Variants in NOMO1 observed in about 807,000 individuals in gnomAD.
NOMO1 encodes nodal modulator 3.
A neutral mutation model predicts 133.8 loss-of-function variants in NOMO1; 40 were observed. The ratio of observed to expected loss-of-function variants is 0.30; its 90% CI spans 0.23 to 0.39. The LOEUF (loss-of-function observed/expected upper bound fraction) is 0.39. Ranked by LOEUF, NOMO1 falls within the 10% of genes least tolerant of loss-of-function variation. The pLI, the probability that NOMO1 is intolerant of heterozygous loss-of-function variation, is 1.00. For synonymous variants in NOMO1, 236 were observed against 570.5 expected, an observed-to-expected ratio of 0.41 and a Z score of 8.36; for missense variants, 462 against 1,419.9, an observed-to-expected ratio of 0.33 and a Z score of 10.84.
At chr16:14,874,917 C>T in intron 18 of NOMO1, 119 bp from the exon 19 acceptor site, 1 of 783,902 alleles carries the variant, frequency 1.3e-6, no homozygotes, top group Admixed American at 2.7e-5. Flanking sequence ...GACTCCGCCA[C>T]TGTGGTGTCA....
At chr16:14,889,406 C>T (rs1964374866) in intron 29 of NOMO1, among the ~76,000 whole-genome samples, 191 bp downstream of exon 29, 1 of 152,034 alleles carries the variant, frequency 6.6e-6, no homozygotes, top group South Asian at 2.1e-4. Flanking sequence ...GTGGAACGCA[C>T]CTATAGTCCC....
intron 16 of NOMO1, among the ~76,000 whole-genome samples, chr16:14,868,965 G>A (rs1050863696): frequency 2.0e-5 from 3 of 149,094 alleles, no homozygotes; most frequent in Admixed American, 2.0e-4. Flanking sequence ...TTGAGATGGA[G>A]TCTTGCTCTG....
chr16:14,885,402 C>T (rs927500031), intron 27 of NOMO1, among the ~76,000 whole-genome samples: 1 of 151,980 alleles, frequency 6.6e-6, no homozygotes, highest in Non-Finnish European at 1.5e-5. Flanking sequence ...CTCTTATAAT[C>T]TTGTTCAGCT....
chr16:14,874,532 G>A (rs916144404), intron 18 of NOMO1, among the ~76,000 whole-genome samples: 6 of 151,996 alleles, frequency 3.9e-5, no homozygotes, highest in African/African-American at 1.5e-4. Context: ...ACAGTGCTCC[G>A]GGCTCTCCGT....
chr16:14,879,097 A>G (rs558650610), intron 23 of NOMO1, among the ~76,000 whole-genome samples: 6 of 151,984 alleles, frequency 3.9e-5, no homozygotes, highest in Non-Finnish European at 5.9e-5. Context: ...CCCTGGCCAC[A>G]ACGGCTGCTC....
chr16:14,860,878 AG>A (rs529501678), intron 11 of NOMO1, among the ~76,000 whole-genome samples: 139 of 151,380 alleles, frequency 9.2e-4, no homozygotes, highest in African/African-American at 3.3e-3. Flanking sequence ...TTTTTGAGAC[AG>A]GGTCTTACTC....
In NOMO1 at chr16:14,882,705, C is replaced by G. The variant is rs1172059263; in HGVS notation, c.3111+28C>G. ...AAGGCATTCAGTGCTGCCGCTGCACCTGGGTGTGGGTGCCTCCCTGATCAG... is the reference window on the plus strand; with the variant it reads ...AAGGCATTCAGTGCTGCCGCTGCACGTGGGTGTGGGTGCCTCCCTGATCAG... On this transcript the variant is annotated intron_variant, in intron 26 of 30. Transcript: ENST00000287667. The G allele has an allele frequency of 5.0e-6, 8 of 1,611,482 alleles. No individual in the cohort carries two copies. In the East Asian group the frequency reaches 1.8e-4, roughly 36 times the overall value.
At chr16:14,839,146 C>G (rs967934590) in intron 2 of NOMO1, among the ~76,000 whole-genome samples, 15 of 151,856 alleles carry the variant, frequency 9.9e-5, no homozygotes, top group Non-Finnish European at 1.0e-4. Context: ...CCTCCACCCC[C>G]CAGGTTCAAG....
chr16:14,849,896 CTTTTTTTTT>C (rs1171906105), intron 6 of NOMO1, among the ~76,000 whole-genome samples: 2 of 87,932 alleles, frequency 2.3e-5, no homozygotes, highest in African/African-American at 9.3e-5. Flanking sequence ...CAGATACAGT[CTTTTTTTTT>C]TTTTTTTTTT....
Position 14,852,635 on chromosome 16 carries a change from AT to A in NOMO1, c.735+55del, listed in dbSNP as rs1293505698. The A allele has an allele frequency of 1.6e-4, 102 of 657,600 alleles. 1 individual carries two copies. The Admixed American group carries it at 2.8e-3, about 18-fold the overall frequency. The allele number at this position is 657,600 out of a possible 1,614,324, so 40.7% of individuals were successfully genotyped here. ...GGTGTGAAGGGTAGGAGGGTGGGGG[AT>A]TATAGACCAGAACGTACTGTTTTAA... On this transcript the variant is annotated intron_variant, in intron 7 of 30. Coordinates refer to ENST00000287667, the MANE Select transcript of NOMO1 (RefSeq NM_014287.4).
chr16:14,846,460 G>A (rs1963683339), intron 4 of NOMO1, 117 bp from the exon 5 acceptor site: 1 of 537,468 alleles, frequency 1.9e-6, no homozygotes. Flanking sequence ...CTTTTCAATG[G>A]GATTCTTGAC....
chr16:14,857,659 A>G lies in NOMO1; in HGVS notation c.1220+4A>G, dbSNP rs1249935882. 2 of 1,613,746 alleles carry G rather than the reference A, an allele frequency of 1.2e-6. No individual in the cohort carries two copies. Among genetic ancestry groups the G allele is most frequent in the Middle Eastern group, 1.7e-4 (1 of 6,054 alleles). On this transcript the variant is annotated splice_donor_region_variant and intron_variant, in intron 11 of 30. Transcript: ENST00000287667. ...TGGCTGACATTATTGCAACAGGGTA[A>G]GCTTATCGTGTGGATTTGGAAGCGC...
intron 20 of NOMO1, 61 bp from the exon 21 acceptor site, chr16:14,876,289 AACCCCCAAC>A: frequency 6.2e-7 from 1 of 1,603,544 alleles, no homozygotes; most frequent in Non-Finnish European, 8.5e-7. Context: ...TGTCATGGGA[AACCCCCAAC>A]CAAGAAGCTC....
chr16:14,866,414 T>C (rs1363188413), intron 14 of NOMO1, 141 bp from the exon 15 acceptor site: 5 of 1,420,932 alleles, frequency 3.5e-6, no homozygotes, highest in Non-Finnish European at 4.8e-6. Context: ...TAAATATATG[T>C]ATGTGTATAT....
chr16:14,879,024 C>T (rs1204946754), intron 23 of NOMO1, among the ~76,000 whole-genome samples, 190 bp downstream of exon 23: 1 of 151,902 alleles, frequency 6.6e-6, no homozygotes, highest in Non-Finnish European at 1.5e-5. Context: ...ATTCATGTTC[C>T]CTTCCACACG....
intron 27 of NOMO1, 79 bp from the exon 28 acceptor site, chr16:14,886,682 G>T: frequency 6.2e-7 from 1 of 1,609,464 alleles, no homozygotes; most frequent in Non-Finnish European, 8.5e-7. Context: ...CCAGAAAGCG[G>T]CTGTCCTGAG....
chr16:14,853,565 G>T lies in NOMO1; in HGVS notation c.834G>T (p.Ser278=), dbSNP rs143167300. The T allele has an allele frequency of 6.2e-7, 1 of 1,610,144 alleles. No individual in the cohort carries two copies. Among genetic ancestry groups the T allele is most frequent in the East Asian group, 2.2e-5 (1 of 44,800 alleles). The change falls in exon 8 of 31, where the codon TCG becomes TCT. Residue 278 remains serine (S), a synonymous_variant. Transcript: ENST00000287667. ...ACACGGTCTCCAGAGAAGATGGCTCGTTCTCTTTCTATTCCTTGCCAAGTG... is the reference window on the plus strand; with the variant it reads ...ACACGGTCTCCAGAGAAGATGGCTCTTTCTCTTTCTATTCCTTGCCAAGTG... ...LCYTVSREDG[S]FSFYSLPSGG... is the part of the protein sequence containing the mutation.
At chr16:14,868,765 C>T in intron 16 of NOMO1, 130 bp downstream of exon 16, 1 of 639,870 alleles carries the variant, frequency 1.6e-6, no homozygotes, top group Non-Finnish European at 2.8e-6. Context: ...GTTCAACCTG[C>T]TCTTGTTTTT....
chr16:14,876,048 C>T (rs1447237776), intron 20 of NOMO1, among the ~76,000 whole-genome samples: 5 of 116,214 alleles, frequency 4.3e-5, no homozygotes, highest in African/African-American at 1.4e-4. Context: ...GCACGGCCTC[C>T]TGTCTGCTGT....
Sources: gnomAD v4.1 joint callset for allele counts (sites outside exome capture counted in the v4.1 genomes callset) on GRCh38, gnomAD v4.1.1 for gene constraint, MANE v1.5 for transcripts, NCBI Gene and HGNC (gene_info 2026-07-23, HGNC 2026-07-21) for gene names.